Variants in UBR3 observed in about 807,000 individuals in gnomAD.
UBR3 encodes ubiquitin protein ligase E3 component n-recognin 3.
UBR3 carries 85 observed loss-of-function variants against 243.2 expected under a neutral mutation model. The ratio of observed to expected loss-of-function variants is 0.35; its 90% CI spans 0.29 to 0.42. UBR3 has a LOEUF of 0.42. Ranked by LOEUF, UBR3 falls within the 10% of genes least tolerant of loss-of-function variation. The probability of loss-of-function intolerance (pLI) is 1.00; values close to 1 mark genes in which losing one functional copy is unlikely to be tolerated. For missense variants in UBR3, 1,686 were observed against 2,300.8 expected (o/e 0.73, Z 5.47); for synonymous variants, 748 against 799.8 (o/e 0.94, Z 1.09).
intron 30 of UBR3, among the ~76,000 whole-genome samples, chr2:170,027,153 A>ACT (rs2090550205): frequency 6.6e-6 from 1 of 151,822 alleles, no homozygotes; most frequent in African/African-American, 2.4e-5. Flanking sequence ...TTTTAGAATA[A>ACT]CTATTAAGAG....
chr2:170,000,311 A>C (rs1409578470), intron 26 of UBR3, among the ~76,000 whole-genome samples: 1 of 152,246 alleles, frequency 6.6e-6, no homozygotes, highest in African/African-American at 2.4e-5. Context: ...TGGAGGTTAC[A>C]TCATGGAGAG....
chr2:170,063,335 G>A (rs2091491129), intron 35 of UBR3, among the ~76,000 whole-genome samples: 3 of 152,170 alleles, frequency 2.0e-5, no homozygotes, highest in African/African-American at 7.2e-5. Flanking sequence ...AGTACTTTGT[G>A]TATATTCAGA....
intron 35 of UBR3, among the ~76,000 whole-genome samples, chr2:170,068,401 G>C (rs2091624564): frequency 6.6e-6 from 1 of 152,138 alleles, no homozygotes; most frequent in Non-Finnish European, 1.5e-5. Context: ...TTTGGAGGCA[G>C]AAGTTGCAGT....
intron 1 of UBR3, among the ~76,000 whole-genome samples, chr2:169,866,552 AG>A (rs1040843345): frequency 2.6e-5 from 4 of 152,046 alleles, no homozygotes; most frequent in Non-Finnish European, 5.9e-5. Flanking sequence ...TAGTGGAGAC[AG>A]GGTTTCACCA....
chr2:170,048,930 T>G (rs547974989), intron 32 of UBR3, among the ~76,000 whole-genome samples: 3 of 152,222 alleles, frequency 2.0e-5, no homozygotes, highest in African/African-American at 4.8e-5. Flanking sequence ...CAGATTTTCA[T>G]AATTTTTATT....
intron 31 of UBR3, among the ~76,000 whole-genome samples, chr2:170,039,608 C>G (rs2090915455): frequency 6.6e-6 from 1 of 152,076 alleles, no homozygotes; most frequent in Non-Finnish European, 1.5e-5. Flanking sequence ...AGTGCCTGAC[C>G]TGTAGTAAGT....
intron 24 of UBR3, among the ~76,000 whole-genome samples, chr2:169,978,766 G>T (rs769735417): frequency 6.6e-6 from 1 of 152,132 alleles, no homozygotes; most frequent in Non-Finnish European, 1.5e-5. Flanking sequence ...ATGGAGAAGG[G>T]TGTCTCAGCA....
chr2:170,050,160 G>A (rs925560355), intron 32 of UBR3, among the ~76,000 whole-genome samples: 3 of 152,076 alleles, frequency 2.0e-5, no homozygotes, highest in Admixed American at 6.6e-5. Context: ...TTTTTAAACC[G>A]TTTGGATTCT....
chr2:170,060,114 G>T (rs968162869), intron 33 of UBR3, among the ~76,000 whole-genome samples: 1 of 152,128 alleles, frequency 6.6e-6, no homozygotes, highest in Non-Finnish European at 1.5e-5. Context: ...ATTCTGTGGT[G>T]TTTATCCCTT....
intron 8 of UBR3, among the ~76,000 whole-genome samples, chr2:169,900,611 A>C (rs992216463): frequency 6.6e-5 from 10 of 152,216 alleles, no homozygotes; most frequent in African/African-American, 1.9e-4. Context: ...CAAAATTTAG[A>C]AGTACCTGTT....
intron 1 of UBR3, among the ~76,000 whole-genome samples, chr2:169,868,423 A>C (rs2083328580): frequency 1.3e-5 from 2 of 152,194 alleles, no homozygotes; most frequent in South Asian, 2.1e-4. Context: ...AGCTCACTGC[A>C]GTCTCCACCT....
chr2:169,843,881 A>C (rs932553419), intron 1 of UBR3, among the ~76,000 whole-genome samples: 1 of 152,116 alleles, frequency 6.6e-6, no homozygotes, highest in Non-Finnish European at 1.5e-5. Context: ...CCTTTTTTAA[A>C]TATCTTGATA....
chr2:169,905,431 G>A (rs1413892451), intron 9 of UBR3, 138 bp downstream of exon 9: 1 of 602,568 alleles, frequency 1.7e-6, no homozygotes, highest in East Asian at 3.4e-5. Context: ...GTATTTGTAA[G>A]TACTTTAATA....
chr2:169,929,313 G>A (rs973576761), intron 18 of UBR3, among the ~76,000 whole-genome samples: 2 of 152,138 alleles, frequency 1.3e-5, no homozygotes, highest in Admixed American at 6.5e-5. Flanking sequence ...GGTGGCTTAT[G>A]CCTGTAATCC....
At chr2:169,830,123 T>C (rs1475753079) in intron 1 of UBR3, among the ~76,000 whole-genome samples, 1 of 152,120 alleles carries the variant, frequency 6.6e-6, no homozygotes, top group Admixed American at 6.5e-5. Context: ...ATTTCTTTTT[T>C]TATTTTTATT....
In UBR3 at chr2:170,056,033, ACT is replaced by A. The variant is rs79233013; in HGVS notation, c.4785+454_4785+455del. ...TTTTTTTTTTTTTTTTTTGTGGCAGACTCTCTGTCTGTCACCTAGGCTGGAGT... is the reference window on the plus strand; with the variant it reads ...TTTTTTTTTTTTTTTTTTGTGGCAGACTCTGTCTGTCACCTAGGCTGGAGT... On this transcript the variant is annotated intron_variant, in intron 33 of 38. Coordinates refer to ENST00000272793, the MANE Select transcript of UBR3 (RefSeq NM_172070.4). Among the ~76,000 whole-genome samples the A allele has an allele frequency of 6.5e-5, 8 of 123,356 alleles. No individual in the cohort carries two copies. In the Admixed American group the frequency reaches 8.0e-4, roughly 12 times the overall value. 80.9% of individuals were successfully genotyped at this position (123,356 alleles called of 152,430 possible).
At chr2:170,077,946 G>T (rs2091844402) in intron 36 of UBR3, 2 of 553,992 alleles carry the variant, frequency 3.6e-6, no homozygotes, top group East Asian at 4.0e-5. Context: ...TAGACAGAGG[G>T]ACTTTCCATT....
intron 32 of UBR3, among the ~76,000 whole-genome samples, chr2:170,049,700 T>C (rs2105438418): frequency 6.6e-6 from 1 of 152,340 alleles, no homozygotes; most frequent in Non-Finnish European, 1.5e-5. Context: ...CTATTGGATA[T>C]CCTTTTTCTC....
chr2:170,081,678 A>C, intron 38 of UBR3, 48 bp from the exon 39 acceptor site: 2 of 1,372,960 alleles, frequency 1.5e-6, no homozygotes, highest in Non-Finnish European at 2.0e-6. Context: ...AATGCATGTG[A>C]AATCTTCCGT....
Sources: allele counts gnomAD v4.1 joint callset (sites outside exome capture counted in the v4.1 genomes callset), GRCh38; gene constraint gnomAD v4.1.1; transcripts MANE v1.5; gene names NCBI Gene and HGNC (gene_info 2026-07-23, HGNC 2026-07-21).